The following SANBR variants were observed in gnomAD, a reference collection of about 807,000 sequenced individuals.
SANBR encodes SANT and BTB domain regulator of CSR, also known as SANT and BTB domain regulator of class switch recombination.
SANBR carries 77 observed loss-of-function variants against 101.8 expected under a neutral mutation model. The ratio of observed to expected loss-of-function variants is 0.76; its 90% CI spans 0.63 to 0.91. The LOEUF is 0.91. Ranked by LOEUF, SANBR falls within the 40% of genes least tolerant of loss-of-function variation. The pLI is 0.00. For synonymous variants in SANBR, 279 were observed against 274.7 expected (o/e 1.02, Z -0.15); for missense variants, 875 against 853.0 (o/e 1.03, Z -0.32).
intron 12 of SANBR, among the ~76,000 whole-genome samples, chr2:61,098,520 T>C (rs1348132071): frequency 6.6e-6 from 1 of 152,230 alleles, no homozygotes; most frequent in Non-Finnish European, 1.5e-5. Context: ...TTAACTGCTG[T>C]ATAATATTCC....
At chr2:61,089,230 G>T (rs1258557106) in intron 10 of SANBR, 1 of 982,060 alleles carries the variant, frequency 1.0e-6, no homozygotes, top group African/African-American at 1.8e-5. Flanking sequence ...TAATATGTAG[G>T]CCGGGCACGG....
In SANBR at chr2:61,088,258, GT is replaced by G; in HGVS notation, c.977+20del. 2.5e-6 allele frequency: 4 copies of G among 1,592,480 alleles called. No individual in the cohort carries two copies. The highest frequency in any genetic ancestry group is 2.6e-6 in the Non-Finnish European group (3 of 1,169,712). On this transcript the variant is annotated intron_variant, in intron 9 of 21. Transcript: ENST00000402291. ...CAACATTGTATAGGTATGCTAACAT[GT>G]TTTTTTCTTTGGTGTACTTTATAAT...
At chr2:61,082,095 C>T (rs576876993) in intron 7 of SANBR, among the ~76,000 whole-genome samples, 12 of 152,036 alleles carry the variant, frequency 7.9e-5, no homozygotes, top group Non-Finnish European at 1.5e-4. Context: ...TGGTCTCAAA[C>T]TCCTGGGCTC....
intron 20 of SANBR, among the ~76,000 whole-genome samples, chr2:61,118,526 C>T (rs1684186730): frequency 6.6e-6 from 1 of 150,840 alleles, no homozygotes; most frequent in Non-Finnish European, 1.5e-5. Flanking sequence ...CAGGCGTGAG[C>T]CACCACACCT....
chr2:61,082,557 C>T (rs1056926238), intron 7 of SANBR, among the ~76,000 whole-genome samples: 1 of 152,168 alleles, frequency 6.6e-6, no homozygotes, highest in African/African-American at 2.4e-5. Context: ...CGCGGTGGCT[C>T]ACGCCTGTAA....
chr2:61,117,270 T>C, intron 17 of SANBR, 87 bp from the exon 18 acceptor site: 1 of 1,235,726 alleles, frequency 8.1e-7, no homozygotes, highest in Admixed American at 1.7e-5. Flanking sequence ...TCACACTCAG[T>C]AAGAGTGAAC....
In SANBR at chr2:61,117,506, C is replaced by G. The variant is rs763631555; in HGVS notation, c.1905C>G (p.Ser635=). The G allele has an allele frequency of 1.2e-6, 2 of 1,613,838 alleles. No homozygotes were observed. The highest frequency in any genetic ancestry group is 3.3e-5 in the Admixed American group (2 of 60,010). ...MQKNKWDATR[S]LRFNQDAQRE... ...AGAATAAGTGGGATGCCACAAGATC[C>G]TTGAGATTCAACCAGGATGCACAAA... Residue 635 remains serine (S), a synonymous_variant, in exon 19 of 22, where the codon TCC becomes TCG. Coordinates refer to ENST00000402291, the MANE Select transcript of SANBR (RefSeq NM_001129993.3).
intron 11 of SANBR, among the ~76,000 whole-genome samples, 194 bp downstream of exon 11, chr2:61,092,781 G>A (rs1440200313): frequency 6.6e-6 from 1 of 151,884 alleles, no homozygotes; most frequent in Non-Finnish European, 1.5e-5. Flanking sequence ...CAGGTGGATC[G>A]TTTTAGCCCA....
At chr2:61,109,609 A>G (rs1683725470) in intron 16 of SANBR, among the ~76,000 whole-genome samples, 1 of 152,030 alleles carries the variant, frequency 6.6e-6, no homozygotes, top group Non-Finnish European at 1.5e-5. Flanking sequence ...GTGATACTCA[A>G]ATGAACCATT....
At chr2:61,127,615 A>G (rs531176716), downstream of SANBR, among the ~76,000 whole-genome samples, 49 of 152,346 alleles carry the variant, frequency 3.2e-4, no homozygotes, top group African/African-American at 1.1e-3. Context: ...GTGATTAGGT[A>G]ACTGTTTTCC....
At chr2:61,066,884 G>A (rs774661853) in intron 1 of SANBR, among the ~76,000 whole-genome samples, 18 of 152,200 alleles carry the variant, frequency 1.2e-4, no homozygotes, top group Non-Finnish European at 1.9e-4. Context: ...AAAAAATGAA[G>A]TCTGTTAAAC....
At chr2:61,087,935 A>G (rs1015282752) in intron 8 of SANBR, among the ~76,000 whole-genome samples, 1 of 152,062 alleles carries the variant, frequency 6.6e-6, no homozygotes, top group Admixed American at 6.5e-5. Context: ...ATGGGAAAAT[A>G]GATGATTGAT....
intron 20 of SANBR, among the ~76,000 whole-genome samples, chr2:61,118,546 T>C (rs1006589091): frequency 6.7e-6 from 1 of 149,552 alleles, no homozygotes; most frequent in South Asian, 2.1e-4. Context: ...TGGCCAAATA[T>C]ATGTGGGGGT....
At position 61,088,509 on chromosome 2, in the gene SANBR, A is replaced by G. The variant is rs749558272; in HGVS notation, c.1088+41A>G. On this transcript the variant is annotated intron_variant, in intron 10 of 21. Transcript: ENST00000402291. The stretch of plus-strand genomic sequence containing the variant: ...AATACATACATGTATTTTTGTATAT[A>G]TATATATATAGTTGTTGTTGTTGTT... The G allele has an allele frequency of 5.9e-6, 7 of 1,187,288 alleles. No homozygotes were observed. The South Asian group carries it at 7.6e-5, about 13-fold the overall frequency. 73.5% of individuals were successfully genotyped at this position (1,187,288 alleles called of 1,614,324 possible).
intron 6 of SANBR, among the ~76,000 whole-genome samples, chr2:61,080,316 A>G (rs916401433): frequency 2.0e-5 from 3 of 152,168 alleles, no homozygotes; most frequent in Admixed American, 6.5e-5. Context: ...AAAACTACCA[A>G]AATGCTTAAT....
chr2:61,079,591 G>A (rs766909902), intron 6 of SANBR, among the ~76,000 whole-genome samples: 1 of 152,048 alleles, frequency 6.6e-6, no homozygotes, highest in African/African-American at 2.4e-5. Flanking sequence ...AGAGATTCCA[G>A]ACTAACCAGC....
chr2:61,076,147 C>G (rs1481536913), intron 5 of SANBR, among the ~76,000 whole-genome samples: 1 of 135,670 alleles, frequency 7.4e-6, no homozygotes, highest in Non-Finnish European at 1.8e-5. Context: ...GTGCATGCCA[C>G]CATGGCCAGC....
intron 21 of SANBR, among the ~76,000 whole-genome samples, 193 bp from the exon 22 acceptor site, chr2:61,121,933 T>C (rs544021775): frequency 1.1e-4 from 16 of 152,304 alleles, no homozygotes; most frequent in Middle Eastern, 3.4e-3. Context: ...GTACATAACG[T>C]ATTATCTCTG....
At chr2:61,093,999 A>G (rs1301552156) in intron 11 of SANBR, 1 of 618,426 alleles carries the variant, frequency 1.6e-6, no homozygotes, top group East Asian at 1.4e-4. Flanking sequence ...TCCTCTCCCC[A>G]GTAATTTTCC....
Sources: gnomAD v4.1 joint callset for allele counts (sites outside exome capture counted in the v4.1 genomes callset) on GRCh38, gnomAD v4.1.1 for gene constraint, MANE v1.5 for transcripts, NCBI Gene and HGNC (gene_info 2026-07-23, HGNC 2026-07-21) for gene names.